SPARCL1: variants seen among roughly 807,000 people sequenced by gnomAD.
SPARCL1 encodes SPARC-like protein 1.
A neutral mutation model predicts 67.1 loss-of-function variants in SPARCL1; 52 were observed. That is an observed-to-expected ratio of 0.78 (90% CI 0.62 to 0.98). SPARCL1 has a LOEUF of 0.98. Among genes scored for constraint, SPARCL1 ranks in the 50% least tolerant of loss-of-function variants. The probability of loss-of-function intolerance (pLI) is 0.00; values close to 1 mark genes in which losing one functional copy is unlikely to be tolerated. For synonymous variants in SPARCL1, 226 were observed against 267.8 expected, an observed-to-expected ratio of 0.84 and a Z score of 1.52; for missense variants, 717 against 782.4, an observed-to-expected ratio of 0.92 and a Z score of 1.00.
chr4:87,479,637 C>G, intron 9 of SPARCL1, 59 bp from the exon 10 acceptor site: 3 of 1,543,560 alleles, frequency 1.9e-6, no homozygotes, highest in Non-Finnish European at 2.7e-6. Context: ...AGATTTAACT[C>G]TCAGGCTCAC....
chr4:87,515,150 C>T (rs1578114835), intron 1 of SPARCL1, among the ~76,000 whole-genome samples: 2 of 152,112 alleles, frequency 1.3e-5, no homozygotes, highest in Non-Finnish European at 2.9e-5. Context: ...TGCTCAAATG[C>T]GTGAGCTTAT....
chr4:87,484,268 A>G lies in SPARCL1; in HGVS notation c.1532-1708T>C, dbSNP rs1056247369. Among the ~76,000 whole-genome samples the G allele has an allele frequency of 3.3e-5, 5 of 152,316 alleles. No homozygotes were observed. The South Asian group carries it at 1.0e-3, about 32-fold the overall frequency. On this transcript the variant is annotated intron_variant, in intron 7 of 10. Transcript: ENST00000282470. Reference sequence around the variant, plus strand: ...TTGAGTTAATTTTTGTATGAAGTGTAAGGAAGGGATCCAGTTTCAGTTTTC... The same window carrying G: ...TTGAGTTAATTTTTGTATGAAGTGTGAGGAAGGGATCCAGTTTCAGTTTTC...
chr4:87,529,245 G>A lies in SPARCL1; in HGVS notation c.-212C>T, dbSNP rs1235760001. 6.6e-6 allele frequency: 1 copy of A among 152,162 alleles called. No homozygotes were observed. 9.4% of individuals were successfully genotyped at this position (152,162 alleles called of 1,614,324 possible). On this transcript the variant is annotated 5_prime_UTR_variant, in exon 1 of 11. Transcript: ENST00000282470. ...TTCTGCTGCTCTGTCAACTAGTGGG[G>A]GTCTGAAGTGACAGACGAGAATTTG...
rs1725603571 is a variant in SPARCL1 at position 87,516,863 on chromosome 4, TAATCATGC to T, written c.-12+12174_-12+12181del. Among the ~76,000 whole-genome samples, 4 of 152,318 alleles carry T rather than the reference TAATCATGC, an allele frequency of 2.6e-5. No homozygotes were observed. The East Asian group carries it at 7.7e-4, about 29-fold the overall frequency. Reference sequence around the variant, plus strand: ...GCAATAGCCACCTTTCACCATCTCTTAATCATGCCTTTCAGAGTTTCTCGTCTTATCAT... The same window carrying T: ...GCAATAGCCACCTTTCACCATCTCTTCTTTCAGAGTTTCTCGTCTTATCAT... On this transcript the variant is annotated intron_variant, in intron 1 of 10. Coordinates refer to ENST00000282470, the MANE Select transcript of SPARCL1 (RefSeq NM_004684.6).
chr4:87,495,144 C>T lies in SPARCL1; in HGVS notation c.55-17G>A. The T allele has an allele frequency of 6.3e-7, 1 of 1,597,376 alleles. No individual in the cohort carries two copies. The highest frequency in any genetic ancestry group is 1.2e-5 in the South Asian group (1 of 86,326). On this transcript the variant is annotated splice_polypyrimidine_tract_variant and intron_variant, in intron 2 of 10. Coordinates refer to ENST00000282470, the MANE Select transcript of SPARCL1 (RefSeq NM_004684.6). ...TGCATTTGTCTGAAAAAATTAAAAA[C>T]TGGTTTTTGTTATTCATGTCTGGAT...
chr4:87,522,656 C>CAG (rs1725868605), intron 1 of SPARCL1, among the ~76,000 whole-genome samples: 2 of 148,206 alleles, frequency 1.3e-5, no homozygotes, highest in South Asian at 2.1e-4. Context: ...CACACACACA[C>CAG]ACACACACAC....
chr4:87,495,638 A>C (rs1176864102), intron 2 of SPARCL1, among the ~76,000 whole-genome samples: 2 of 152,094 alleles, frequency 1.3e-5, no homozygotes, highest in African/African-American at 2.4e-5. Flanking sequence ...GGAAATCTTA[A>C]TGGGGCTGGG....
intron 1 of SPARCL1, among the ~76,000 whole-genome samples, chr4:87,524,083 A>G (rs1725935519): frequency 6.6e-6 from 1 of 152,248 alleles, no homozygotes; most frequent in Admixed American, 6.5e-5. Flanking sequence ...ATGCTAACTT[A>G]TTTTCATAAT....
intron 1 of SPARCL1, among the ~76,000 whole-genome samples, chr4:87,506,791 A>G (rs868786112): frequency 2.5e-5 from 3 of 118,874 alleles, no homozygotes; most frequent in African/African-American, 1.0e-4. Context: ...TCATCTATCT[A>G]TCTATCTATC....
At chr4:87,495,818 C>G (rs987695451) in intron 2 of SPARCL1, among the ~76,000 whole-genome samples, 1 of 152,100 alleles carries the variant, frequency 6.6e-6, no homozygotes, top group East Asian at 1.9e-4. Context: ...GTAATCGCAG[C>G]TACTCGGGAG....
At chr4:87,520,223 G>A in intron 1 of SPARCL1, among the ~76,000 whole-genome samples, 1 of 141,122 alleles carries the variant, frequency 7.1e-6, no homozygotes, top group Non-Finnish European at 1.5e-5. Context: ...CTCTAGCCTG[G>A]GTGACAGAGC....
chr4:87,474,436 G>A (rs929037436), intron 10 of SPARCL1, among the ~76,000 whole-genome samples: 1 of 151,832 alleles, frequency 6.6e-6, no homozygotes, highest in African/African-American at 2.4e-5. Flanking sequence ...TATGTAAAAT[G>A]GAGATAATAG....
chr4:87,504,734 C>T (rs1725005411), intron 1 of SPARCL1: 1 of 152,102 alleles, frequency 6.6e-6, no homozygotes, highest in African/African-American at 2.4e-5. Flanking sequence ...ACAAAAAAAC[C>T]ACCATTGTGA....
chr4:87,504,135 T>TTGTGTG (rs70957258), intron 1 of SPARCL1, among the ~76,000 whole-genome samples: 3,274 of 30,796 alleles, frequency 0.11, 440 homozygotes, highest in Non-Finnish European at 0.16. Flanking sequence ...TGATTTGGTA[T>TTGTGTG]TGTGTGTGTG....
At chr4:87,501,899 CT>C (rs1235828333) in intron 1 of SPARCL1, among the ~76,000 whole-genome samples, 1 of 151,510 alleles carries the variant, frequency 6.6e-6, no homozygotes, top group Non-Finnish European at 1.5e-5. Flanking sequence ...ATCATTTTTG[CT>C]CTTCTCTTCA....
chr4:87,477,272 T>C lies in SPARCL1; in HGVS notation c.1966+2158A>G, dbSNP rs576497449. ...ATCAGTCCTTTAAAATCACATGTCA[T>C]ATAAACAGGCATCCATAAATACATC... On this transcript the variant is annotated intron_variant, in intron 10 of 10. Transcript: ENST00000282470. 6.6e-5 allele frequency among the ~76,000 whole-genome samples: 10 copies of C among 152,330 alleles called. No individual in the cohort carries two copies. In the South Asian group the frequency reaches 1.2e-3, roughly 19 times the overall value.
chr4:87,506,460 G>T (rs1725075698), intron 1 of SPARCL1, among the ~76,000 whole-genome samples: 1 of 152,226 alleles, frequency 6.6e-6, no homozygotes, highest in Non-Finnish European at 1.5e-5. Context: ...CCCAATGTGA[G>T]TGGGCATAAT....
intron 1 of SPARCL1, among the ~76,000 whole-genome samples, chr4:87,500,431 G>A (rs1318190742): frequency 6.6e-6 from 1 of 152,128 alleles, no homozygotes; most frequent in South Asian, 2.1e-4. Context: ...CCACACACCA[G>A]TTATATTATT....
At chr4:87,516,287 C>A (rs1010773701) in intron 1 of SPARCL1, among the ~76,000 whole-genome samples, 7 of 152,114 alleles carry the variant, frequency 4.6e-5, no homozygotes, top group Non-Finnish European at 7.3e-5. Flanking sequence ...TTCTGACCCA[C>A]CAGATCTCGA....
Sources: gnomAD v4.1 joint callset for allele counts (sites outside exome capture counted in the v4.1 genomes callset) on GRCh38, gnomAD v4.1.1 for gene constraint, MANE v1.5 for transcripts, NCBI Gene and HGNC (gene_info 2026-07-23, HGNC 2026-07-21) for gene names.